Variants in PSMG4 observed in about 807,000 individuals in gnomAD.
The protein encoded by PSMG4 is proteasome (prosome, macropain) assembly chaperone 4.
A neutral mutation model predicts 11.0 loss-of-function variants in PSMG4; 10 were observed. The ratio of observed to expected loss-of-function variants is 0.91; its 90% CI spans 0.56 to 1.54. The LOEUF is 1.54. PSMG4 is among the 40% of genes most tolerant of loss of function. The probability of loss-of-function intolerance (pLI) is 0.00; values close to 1 mark genes in which losing one functional copy is unlikely to be tolerated. For synonymous variants in PSMG4, 95 were observed against 71.3 expected, an observed-to-expected ratio of 1.33 and a Z score of -1.68; for missense variants, 198 against 160.9, an observed-to-expected ratio of 1.23 and a Z score of -1.25.
rs869076629 is a variant in PSMG4 at position 3,260,291 on chromosome 6, A to AT, written c.174+1113dup. 4.4e-3 allele frequency among the ~76,000 whole-genome samples: 312 copies of AT among 70,848 alleles called. 8 individuals carry two copies. Among genetic ancestry groups the AT allele is most frequent in the African/African-American group, 0.013 (235 of 18,348 alleles). The allele number at this position is 70,848 out of a possible 152,430, so 46.5% of individuals were successfully genotyped here. On this transcript the variant is annotated intron_variant, in intron 1 of 2. Transcript: ENST00000438998. ...TGTCTTAAATTGTATATATATATAT[A>AT]TTTTTTTTTTTTTTTTTTGAAGCAA...
chr6:3,267,519 C>CACG (rs1758243396), intron 2 of PSMG4, 72 bp from the exon 3 acceptor site: 9 of 1,512,546 alleles, frequency 6.0e-6, no homozygotes, highest in Non-Finnish European at 8.0e-6. Context: ...TTCCCAGCTG[C>CACG]ACGTGGCTGT....
chr6:3,260,295 T>G (rs899430445), intron 1 of PSMG4, among the ~76,000 whole-genome samples: 20 of 122,754 alleles, frequency 1.6e-4, no homozygotes, highest in African/African-American at 6.8e-4. Flanking sequence ...ATATATATTT[T>G]TTTTTTTTTT....
intron 2 of PSMG4, chr6:3,264,399 G>C (rs2127263122): frequency 6.7e-7 from 1 of 1,502,308 alleles, no homozygotes; most frequent in South Asian, 1.3e-5. Flanking sequence ...CCTGTCTCCT[G>C]CCCAGGCCTG....
chr6:3,255,106 A>G, upstream of PSMG4: 9 of 1,550,904 alleles, frequency 5.8e-6, no homozygotes, highest in East Asian at 4.9e-5. Context: ...GCATAGGAGC[A>G]CAACATCACC....
In PSMG4 at chr6:3,267,576, G is replaced by GT. The variant is rs774804494; in HGVS notation, c.251-11dup. 1 of 1,550,740 alleles carries GT rather than the reference G, an allele frequency of 6.4e-7. No individual in the cohort carries two copies. Among genetic ancestry groups the GT allele is most frequent in the Non-Finnish European group, 8.7e-7 (1 of 1,146,484 alleles). On this transcript the variant is annotated splice_polypyrimidine_tract_variant and intron_variant, in intron 2 of 2. Transcript: ENST00000438998. ...ATTTCAGGAGTGGCTGTATCAATGT[G>GT]TTTTCTCTTTTTAGCCAGGAAGACC...
upstream of PSMG4, chr6:3,254,996 G>T (rs1330604344): frequency 9.8e-6 from 15 of 1,524,962 alleles, no homozygotes; most frequent in Non-Finnish European, 1.3e-5. Context: ...CATGGACCTA[G>T]CGCACTCCCA....
rs1243915082 is a variant in PSMG4 at position 3,267,457 on chromosome 6, T to C, written c.251-134T>C. ...TGCAGCACCTGTCTGAAGAGAGGCA[T>C]GGAGATTAGAGCTTTCTTTTCTCCC... On this transcript the variant is annotated intron_variant, in intron 2 of 2. Transcript: ENST00000438998. 5 of 969,866 alleles carry C rather than the reference T, an allele frequency of 5.2e-6. No individual in the cohort carries two copies. In the Admixed American group the frequency reaches 1.4e-4, roughly 27 times the overall value. The allele number at this position is 969,866 out of a possible 1,614,324, so 60.1% of individuals were successfully genotyped here. A position where few individuals can be genotyped will look rare whatever the true frequency, so the allele number is the denominator to read the frequency against.
At chr6:3,264,570 G>C (rs1758114184) in intron 2 of PSMG4, 1 of 608,792 alleles carries the variant, frequency 1.6e-6, no homozygotes, top group Non-Finnish European at 2.6e-6. Context: ...AGGGCAGGGT[G>C]GAGTGTCACC....
chr6:3,263,955 G>A (rs1374239213), intron 2 of PSMG4, 196 bp downstream of exon 2: 15 of 1,372,322 alleles, frequency 1.1e-5, no homozygotes, highest in East Asian at 2.5e-5. Flanking sequence ...CATCACCACC[G>A]TCCCAGGGCT....
chr6:3,257,891 A>G (rs766065821), upstream of PSMG4, among the ~76,000 whole-genome samples: 5 of 152,274 alleles, frequency 3.3e-5, no homozygotes, highest in African/African-American at 4.8e-5. Context: ...CTGTTAAAAT[A>G]TTGACCTGAA....
chr6:3,265,960 GT>G (rs1561844463), intron 2 of PSMG4: 2 of 149,150 alleles, frequency 1.3e-5, no homozygotes, highest in Non-Finnish European at 3.0e-5. Context: ...TTACCGAGAC[GT>G]AAACACATGT....
At chr6:3,255,852 T>C (rs1426669781), upstream of PSMG4, among the ~76,000 whole-genome samples, 1 of 116,042 alleles carries the variant, frequency 8.6e-6, no homozygotes, top group Non-Finnish European at 2.0e-5. Flanking sequence ...GTCGTCCATC[T>C]CACGTGAATG....
rs1052745854 is a variant in PSMG4, at chr6:3,259,152, A to G, written c.130A>G (p.Thr44Ala). 6.9e-6 allele frequency: 9 copies of G among 1,305,096 alleles called. No homozygotes were observed. Among genetic ancestry groups the G allele is most frequent in the Middle Eastern group, 2.1e-4 (1 of 4,668 alleles). The allele number at this position is 1,305,096 out of a possible 1,614,324, so 80.8% of individuals were successfully genotyped here. Residue 44 changes from threonine (T) to alanine (A), a missense_variant, in exon 1 of 3, where the codon ACG becomes GCG. Thr to Ala is a moderately conservative substitution (Grantham distance 58). Transcript: ENST00000438998. ...TDSLFLWVGA[T>A]PHLRNLAVAM... ...CTCGCTGTTCCTGTGGGTGGGGGCCACGCCGCACCTGCGCAACCTCGCCGT... is the reference window on the plus strand; with the variant it reads ...CTCGCTGTTCCTGTGGGTGGGGGCCGCGCCGCACCTGCGCAACCTCGCCGT...
upstream of PSMG4, chr6:3,254,922 A>G (rs1757697266): frequency 2.0e-6 from 2 of 1,008,532 alleles, no homozygotes; most frequent in East Asian, 2.6e-5. Context: ...CTGGTGCTTC[A>G]GCCATTCTCT....
chr6:3,264,408 T>TG (rs1237301460), intron 2 of PSMG4: 3 of 1,493,792 alleles, frequency 2.0e-6, no homozygotes, highest in Non-Finnish European at 2.7e-6. Context: ...TGCCCAGGCC[T>TG]GGCGTTCTCC....
At chr6:3,254,584 C>A (rs192623452), upstream of PSMG4, among the ~76,000 whole-genome samples, 11 of 151,824 alleles carry the variant, frequency 7.2e-5, no homozygotes, top group Non-Finnish European at 1.5e-4. Flanking sequence ...GGGAACCCAA[C>A]GATGGAAGTA....
chr6:3,266,866 T>TATTA lies in PSMG4; in HGVS notation c.251-725_251-724insATTA, dbSNP rs200814330. The TATTA allele has an allele frequency of 6.6e-5, 10 of 151,652 alleles. No individual in the cohort carries two copies. The South Asian group carries it at 1.0e-3, about 16-fold the overall frequency. The allele number at this position is 151,652 out of a possible 1,614,324, so 9.4% of individuals were successfully genotyped here. A position where few individuals can be genotyped will look rare whatever the true frequency, so the allele number is the denominator to read the frequency against. ...TTAATATTTTATTTTAAATACTTAT[T>TATTA]TTTTTTTGAGACGGAGTCTTGCTCT... On this transcript the variant is annotated intron_variant, in intron 2 of 2. Coordinates refer to ENST00000438998, the MANE Select transcript of PSMG4 (RefSeq NM_001128591.2).
rs1758042805 is a variant in PSMG4 at position 3,262,831 on chromosome 6, T to G, written c.175-853T>G. 2.1e-5 allele frequency among the ~76,000 whole-genome samples: 3 copies of G among 145,622 alleles called. No individual in the cohort carries two copies. The Admixed American group carries it at 2.1e-4, about 10-fold the overall frequency. On this transcript the variant is annotated intron_variant, in intron 1 of 2. Transcript: ENST00000438998. ...CCTTTGGAAGCTAGACCTTCTTACT[T>G]TATTTTTTTATTATTATTTTTAATA...
chr6:3,255,112 T>A, upstream of PSMG4: 1 of 1,551,044 alleles, frequency 6.4e-7, no homozygotes, highest in Non-Finnish European at 8.7e-7. Flanking sequence ...GAGCACAACA[T>A]CACCAGCTTA....
Sources: gnomAD v4.1 joint callset for allele counts (sites outside exome capture counted in the v4.1 genomes callset) on GRCh38, gnomAD v4.1.1 for gene constraint, MANE v1.5 for transcripts, NCBI Gene and HGNC (gene_info 2026-07-23, HGNC 2026-07-21) for gene names.